The following AKAP19 variants were observed in gnomAD, a reference collection of about 807,000 sequenced individuals.
AKAP19 encodes small A-kinase anchoring protein.
At chr2:190,074,286 T>TATC in the AKAP19 span, among the ~76,000 whole-genome samples, 2 of 152,144 alleles carry the variant, frequency 1.3e-5, no homozygotes, top group East Asian at 3.8e-4. Context: ...GAGAGGGGAA[T>TATC]ATCACTAATG....
the AKAP19 span, among the ~76,000 whole-genome samples, chr2:190,096,848 T>C: frequency 6.6e-6 from 1 of 152,124 alleles, no homozygotes; most frequent in African/African-American, 2.4e-5. Context: ...CATCTTCTCA[T>C]GGCATCCTCA....
chr2:190,098,386 C>T, the AKAP19 span, among the ~76,000 whole-genome samples: 1 of 151,876 alleles, frequency 6.6e-6, no homozygotes, highest in African/African-American at 2.4e-5. Context: ...CTCTGGTCAC[C>T]GAAGAGCAAT....
At chr2:189,959,583 A>G in the AKAP19 span, among the ~76,000 whole-genome samples, 2 of 152,194 alleles carry the variant, frequency 1.3e-5, no homozygotes, top group Non-Finnish European at 2.9e-5. Context: ...GCTACTATTG[A>G]TACATTACTA....
the AKAP19 span, among the ~76,000 whole-genome samples, chr2:189,990,092 T>C: frequency 1.3e-5 from 2 of 152,198 alleles, no homozygotes; most frequent in African/African-American, 4.8e-5. Flanking sequence ...CACAGTTTAC[T>C]TTTTCCTTTG....
At chr2:189,984,515 A>C in the AKAP19 span, among the ~76,000 whole-genome samples, 1 of 151,722 alleles carries the variant, frequency 6.6e-6, no homozygotes, top group Non-Finnish European at 1.5e-5. Context: ...TTCATAATGC[A>C]CAAACACACA....
the AKAP19 span, among the ~76,000 whole-genome samples, chr2:190,154,526 G>A: frequency 1.8e-4 from 27 of 152,176 alleles, no homozygotes; most frequent in African/African-American, 6.0e-4. Context: ...TTTATAAATC[G>A]CTTTTGGGTG....
chr2:189,972,375 A>G, the AKAP19 span, among the ~76,000 whole-genome samples: 141,320 of 152,258 alleles, frequency 0.93, 65,625 homozygotes, highest in East Asian at 0.97. Context: ...TGCTGTTTTG[A>G]TTGCTGTAGT....
chr2:189,961,139 A>G, the AKAP19 span, among the ~76,000 whole-genome samples: 1 of 152,070 alleles, frequency 6.6e-6, no homozygotes, highest in Admixed American at 6.6e-5. Flanking sequence ...GATTCCTTCT[A>G]CTCCTTTTAA....
the AKAP19 span, among the ~76,000 whole-genome samples, chr2:190,011,994 G>T: frequency 5.9e-5 from 9 of 152,140 alleles, 1 homozygote; most frequent in East Asian, 1.7e-3. Context: ...TTTCAATAGG[G>T]ATTACGTTTA....
At chr2:190,060,075 C>G in the AKAP19 span, 1 of 1,612,214 alleles carries the variant, frequency 6.2e-7, no homozygotes, top group Non-Finnish European at 8.5e-7. Context: ...CCCATCTTCT[C>G]CTGGTCCTGG....
chr2:189,917,147 G>T, the AKAP19 span: 1 of 471,586 alleles, frequency 2.1e-6, no homozygotes, highest in Non-Finnish European at 3.8e-6. Context: ...GAAAAATACT[G>T]TAATGATTTA....
chr2:189,975,128 C>G, the AKAP19 span, among the ~76,000 whole-genome samples: 1 of 152,140 alleles, frequency 6.6e-6, no homozygotes, highest in Non-Finnish European at 1.5e-5. Flanking sequence ...CCAGTTGTTC[C>G]TTTCCGTGTT....
chr2:189,984,350 G>A, the AKAP19 span, among the ~76,000 whole-genome samples: 6,851 of 152,232 alleles, frequency 0.045, 258 homozygotes, highest in Non-Finnish European at 0.071. Flanking sequence ...TCCATGCCGA[G>A]AAAAAGAATT....
the AKAP19 span, among the ~76,000 whole-genome samples, chr2:189,996,061 T>C: frequency 2.6e-5 from 4 of 152,230 alleles, no homozygotes; most frequent in Non-Finnish European, 5.9e-5. Flanking sequence ...GATAACCTGA[T>C]GACTATGTGC....
chr2:189,972,660 A>G, the AKAP19 span, among the ~76,000 whole-genome samples: 4 of 152,146 alleles, frequency 2.6e-5, no homozygotes, highest in South Asian at 2.1e-4. Context: ...TATTTCGTTG[A>G]GCAGTGGTTT....
chr2:190,041,067 T>G, the AKAP19 span, among the ~76,000 whole-genome samples: 2 of 152,212 alleles, frequency 1.3e-5, no homozygotes, highest in Non-Finnish European at 2.9e-5. Context: ...AGAATGTCAT[T>G]CGTAGTTCGA....
the AKAP19 span, among the ~76,000 whole-genome samples, chr2:190,043,410 A>G: frequency 4.6e-5 from 7 of 151,066 alleles, no homozygotes. Flanking sequence ...TTTTTTCTTT[A>G]TTTTTGGCTG....
chr2:189,988,018 G>T, the AKAP19 span, among the ~76,000 whole-genome samples: 5 of 151,948 alleles, frequency 3.3e-5, no homozygotes, highest in Non-Finnish European at 7.4e-5. Context: ...GTGGCGGGGG[G>T]CAGTGAATTG....
chr2:189,996,279 T>G, the AKAP19 span, among the ~76,000 whole-genome samples: 1 of 152,182 alleles, frequency 6.6e-6, no homozygotes, highest in Non-Finnish European at 1.5e-5. Context: ...TTGGGGGAGC[T>G]TTGTTCATTT....
Sources: allele counts gnomAD v4.1 joint callset (sites outside exome capture counted in the v4.1 genomes callset), GRCh38; gene constraint gnomAD v4.1.1; transcripts MANE v1.5; gene names NCBI Gene and HGNC (gene_info 2026-07-23, HGNC 2026-07-21).